Variants in GMDS observed in about 807,000 individuals in gnomAD.
GMDS encodes GDP-mannose 4,6-dehydratase, also known as GDP-mannose 4,6 dehydratase.
GMDS carries 20 observed loss-of-function variants against 49.9 expected under a neutral mutation model. That is an observed-to-expected ratio of 0.40 (90% confidence interval 0.28 to 0.58). GMDS has a LOEUF of 0.58. Among genes scored for constraint, GMDS ranks in the 20% least tolerant of loss-of-function variants. The pLI, the probability that GMDS is intolerant of heterozygous loss-of-function variation, is 0.42. For synonymous variants in GMDS, 177 were observed against 178.6 expected, an observed-to-expected ratio of 0.99 and a Z score of 0.07; for missense variants, 362 against 481.4, an observed-to-expected ratio of 0.75 and a Z score of 2.32.
At chr6:1,793,720 T>C (rs555630446) in intron 7 of GMDS, among the ~76,000 whole-genome samples, 1 of 152,324 alleles carries the variant, frequency 6.6e-6, no homozygotes, top group South Asian at 2.1e-4. Flanking sequence ...TTCTCTGCAA[T>C]TTTATGGTCA....
chr6:1,943,976 C>A (rs1308520001), intron 6 of GMDS, among the ~76,000 whole-genome samples: 1 of 152,222 alleles, frequency 6.6e-6, no homozygotes, highest in Non-Finnish European at 1.5e-5. Flanking sequence ...CTTCTGAAAT[C>A]AACTCCTTTT....
intron 9 of GMDS, among the ~76,000 whole-genome samples, chr6:1,700,540 A>C (rs1765506814): frequency 6.6e-6 from 1 of 152,118 alleles, no homozygotes; most frequent in Non-Finnish European, 1.5e-5. Flanking sequence ...GTTCCGAGGC[A>C]CCCTCAGCAG....
chr6:2,244,886 G>A (rs544732038), intron 1 of GMDS, among the ~76,000 whole-genome samples: 2 of 152,270 alleles, frequency 1.3e-5, no homozygotes, highest in East Asian at 3.9e-4. Context: ...CTTCCCAAAC[G>A]TTAGCAGGTA....
intron 6 of GMDS, among the ~76,000 whole-genome samples, chr6:1,940,454 C>T (rs903557404): frequency 2.0e-5 from 3 of 152,202 alleles, no homozygotes; most frequent in Admixed American, 2.0e-4. Context: ...CTCTGGCCAC[C>T]CCACTGTGAA....
chr6:2,083,001 T>C (rs1772804223), intron 4 of GMDS, among the ~76,000 whole-genome samples: 1 of 152,218 alleles, frequency 6.6e-6, no homozygotes, highest in Non-Finnish European at 1.5e-5. Flanking sequence ...ATTTCTACAA[T>C]TCTTAAAAGT....
chr6:2,005,302 G>T (rs941208008), intron 4 of GMDS, among the ~76,000 whole-genome samples: 1 of 152,140 alleles, frequency 6.6e-6, no homozygotes, highest in Non-Finnish European at 1.5e-5. Context: ...GAATTCAACT[G>T]TATGGTCCAA....
At chr6:1,927,481 G>A (rs1257665328) in intron 7 of GMDS, among the ~76,000 whole-genome samples, 3 of 152,232 alleles carry the variant, frequency 2.0e-5, no homozygotes, top group African/African-American at 7.2e-5. Flanking sequence ...TAATGACACC[G>A]CCTTGTCAAA....
chr6:1,713,673 T>C (rs922346939), intron 9 of GMDS, among the ~76,000 whole-genome samples: 7 of 152,354 alleles, frequency 4.6e-5, no homozygotes, highest in South Asian at 2.1e-4. Flanking sequence ...CCAAACTGCA[T>C]GAAATTGGCT....
intron 7 of GMDS, among the ~76,000 whole-genome samples, chr6:1,782,680 T>C (rs1436242548): frequency 6.6e-6 from 1 of 152,180 alleles, no homozygotes; most frequent in Non-Finnish European, 1.5e-5. Flanking sequence ...TATTAGGAAG[T>C]TGTTAGGAAG....
intron 9 of GMDS, among the ~76,000 whole-genome samples, chr6:1,631,071 C>A (rs903806743): frequency 1.3e-5 from 2 of 152,156 alleles, no homozygotes; most frequent in African/African-American, 4.8e-5. Context: ...ACCCCGAGGA[C>A]AGGAGATAAA....
At chr6:2,004,123 A>G (rs1767004909) in intron 4 of GMDS, among the ~76,000 whole-genome samples, 1 of 152,228 alleles carries the variant, frequency 6.6e-6, no homozygotes, top group South Asian at 2.1e-4. Flanking sequence ...ATATCTCTAC[A>G]TTTAAAATTA....
At chr6:1,945,640 T>C (rs1249567801) in intron 6 of GMDS, among the ~76,000 whole-genome samples, 1 of 152,160 alleles carries the variant, frequency 6.6e-6, no homozygotes, top group East Asian at 1.9e-4. Context: ...CCTGGGGTCA[T>C]GGCCTGCACC....
chr6:2,218,982 G>T (rs1414690005), intron 1 of GMDS, among the ~76,000 whole-genome samples: 1 of 152,074 alleles, frequency 6.6e-6, no homozygotes, highest in Non-Finnish European at 1.5e-5. Context: ...CCTGAGTTCT[G>T]GCTACTTGGG....
chr6:1,815,968 G>T (rs1411302019), intron 7 of GMDS, among the ~76,000 whole-genome samples: 1 of 152,200 alleles, frequency 6.6e-6, no homozygotes, highest in Admixed American at 6.5e-5. Flanking sequence ...CTTCATCCAT[G>T]ACACCAAATC....
chr6:1,791,888 TA>T (rs1169089933), intron 7 of GMDS, among the ~76,000 whole-genome samples: 1 of 152,128 alleles, frequency 6.6e-6, no homozygotes, highest in African/African-American at 2.4e-5. Flanking sequence ...AGACTGATAA[TA>T]AAAAACAGAA....
At chr6:2,099,430 G>C (rs7743668) in intron 4 of GMDS, among the ~76,000 whole-genome samples, 1 of 152,004 alleles carries the variant, frequency 6.6e-6, no homozygotes, top group African/African-American at 2.4e-5. Context: ...TACTGTAATT[G>C]TCTGTAAATT....
At chr6:2,028,112 T>C (rs1447133571) in intron 4 of GMDS, among the ~76,000 whole-genome samples, 2 of 152,258 alleles carry the variant, frequency 1.3e-5, no homozygotes, top group Non-Finnish European at 2.9e-5. Context: ...AATTCTGATT[T>C]AGATCTCCAT....
At chr6:1,913,971 A>T (rs1468041094) in intron 7 of GMDS, among the ~76,000 whole-genome samples, 1 of 152,130 alleles carries the variant, frequency 6.6e-6, no homozygotes, top group Non-Finnish European at 1.5e-5. Context: ...AAAGGAAAAA[A>T]TAATACAGTA....
At chr6:2,079,036 T>G (rs1206396643) in intron 4 of GMDS, among the ~76,000 whole-genome samples, 1 of 147,746 alleles carries the variant, frequency 6.8e-6, no homozygotes. Flanking sequence ...TTTTTTTTTT[T>G]TTTTTTTTTA....
Sources: allele counts gnomAD v4.1 joint callset (sites outside exome capture counted in the v4.1 genomes callset), GRCh38; gene constraint gnomAD v4.1.1; transcripts MANE v1.5; gene names NCBI Gene and HGNC (gene_info 2026-07-23, HGNC 2026-07-21).